The following ITPR1 variants were observed in gnomAD, a reference collection of about 807,000 sequenced individuals.
The protein encoded by ITPR1 is inositol 1,4,5-trisphosphate receptor type 1.
ITPR1 carries 96 observed loss-of-function variants against 318.4 expected under a neutral mutation model. The observed-to-expected ratio is 0.30, with a 90% CI of 0.26 to 0.36. The LOEUF is 0.36. Ranked by LOEUF, ITPR1 falls within the 10% of genes least tolerant of loss-of-function variation. The probability of loss-of-function intolerance (pLI) is 1.00; values close to 1 mark genes in which losing one functional copy is unlikely to be tolerated. For missense variants in ITPR1, 2,440 were observed against 3,460.2 expected, an observed-to-expected ratio of 0.71 and a Z score of 7.40; for synonymous variants, 1,312 against 1,289.9, an observed-to-expected ratio of 1.02 and a Z score of -0.37.
intron 60 of ITPR1, among the ~76,000 whole-genome samples, chr3:4,829,835 G>A (rs2050326320): frequency 6.6e-6 from 1 of 150,470 alleles, no homozygotes; most frequent in South Asian, 2.1e-4. Context: ...AAAATCCTCT[G>A]CACACCTCCT....
At chr3:4,567,564 G>A (rs1463663417) in intron 4 of ITPR1, among the ~76,000 whole-genome samples, 1 of 151,928 alleles carries the variant, frequency 6.6e-6, no homozygotes, top group East Asian at 1.9e-4. Flanking sequence ...GCTGAGGTGG[G>A]TCATGGAGGG....
intron 33 of ITPR1, among the ~76,000 whole-genome samples, chr3:4,695,833 G>T (rs1336158891): frequency 6.6e-6 from 1 of 152,116 alleles, no homozygotes; most frequent in East Asian, 1.9e-4. Context: ...CATTTTAGTT[G>T]TTTCCAGCTT....
chr3:4,705,979 A>C (rs2094748580), intron 36 of ITPR1, among the ~76,000 whole-genome samples, 188 bp from the exon 37 acceptor site: 1 of 152,198 alleles, frequency 6.6e-6, no homozygotes, highest in South Asian at 2.1e-4. Context: ...CAGAATTCAC[A>C]CTGGGAAACC....
At chr3:4,681,699 T>G (rs2125229713) in intron 26 of ITPR1, among the ~76,000 whole-genome samples, 1 of 151,030 alleles carries the variant, frequency 6.6e-6, no homozygotes, top group Non-Finnish European at 1.5e-5. Context: ...TTTCTCAAAA[T>G]ACCTACATTA....
At chr3:4,842,059 T>G (rs2051384965) in intron 61 of ITPR1, among the ~76,000 whole-genome samples, 2 of 152,222 alleles carry the variant, frequency 1.3e-5, no homozygotes, top group Admixed American at 1.3e-4. Flanking sequence ...AAACCAGAAA[T>G]GTGGCATTTG....
intron 42 of ITPR1, among the ~76,000 whole-genome samples, chr3:4,727,378 A>T (rs2042593108): frequency 6.7e-6 from 1 of 148,812 alleles, no homozygotes; most frequent in Admixed American, 6.8e-5. Context: ...CACTGTAACC[A>T]GCTGGCCTCC....
At chr3:4,640,391 C>T (rs1263482529) in intron 6 of ITPR1, among the ~76,000 whole-genome samples, 6 of 152,086 alleles carry the variant, frequency 3.9e-5, no homozygotes, top group African/African-American at 1.4e-4. Flanking sequence ...CTTCCAAAAT[C>T]TGCTTGAAGA....
chr3:4,710,459 C>T lies in ITPR1; in HGVS notation c.4977C>T (p.Gly1659=), dbSNP rs1193157886. 21 of 1,552,788 alleles carry T rather than the reference C, an allele frequency of 1.4e-5. No individual in the cohort carries two copies. The highest frequency in any genetic ancestry group is 2.4e-5 in the East Asian group (1 of 41,108). Residue 1659 remains glycine, a synonymous_variant, in exon 38 of 62, where the codon GGC becomes GGT. Coordinates refer to ENST00000649015, the MANE Select transcript of ITPR1 (RefSeq NM_001378452.1). This position sits in a 1 kb window ranked among gnomAD's most constrained non-coding sequence, Gnocchi z 4.2. ...ACGCCAGAAGGAAATGTGAAAGTGG[C>T]GGTTTCATTTGCAAGTAAGCGGCCT... The part of the protein sequence containing the change: ...NTDARRKCES[G]GFICKLIKHT...
intron 34 of ITPR1, among the ~76,000 whole-genome samples, chr3:4,698,515 A>G (rs1043366330): frequency 8.5e-5 from 13 of 152,134 alleles, no homozygotes; most frequent in African/African-American, 3.1e-4. Flanking sequence ...GATCGTAAAT[A>G]TGTTCAGCTT....
At chr3:4,716,870 A>T (rs1317542140) in intron 39 of ITPR1, among the ~76,000 whole-genome samples, 3 of 152,108 alleles carry the variant, frequency 2.0e-5, no homozygotes, top group Non-Finnish European at 2.9e-5. Context: ...CAGGCTGGGG[A>T]TATGCTGGTC....
At chr3:4,742,502 A>G (rs1461399395) in intron 44 of ITPR1, among the ~76,000 whole-genome samples, 1 of 152,180 alleles carries the variant, frequency 6.6e-6, no homozygotes, top group African/African-American at 2.4e-5. Flanking sequence ...GGAGAATAGG[A>G]TGGTGACGGT....
At chr3:4,698,056 G>A (rs1031434641) in intron 34 of ITPR1, among the ~76,000 whole-genome samples, 1 of 151,744 alleles carries the variant, frequency 6.6e-6, no homozygotes, top group East Asian at 2.0e-4. Context: ...ACTTCATTTG[G>A]TTTTGCATTG....
rs201934670 is a variant in ITPR1 at position 4,846,196 on chromosome 3, A to G, written c.8248A>G (p.Met2750Val). 49 of 1,567,036 alleles carry G rather than the reference A, an allele frequency of 3.1e-5. No homozygotes were observed. Among genetic ancestry groups the G allele is most frequent in the Non-Finnish European group, 3.6e-5 (41 of 1,154,626 alleles). ...RIGLLGHPPH[M>V]NVNPQQPA ...TGGTCTTCTAGGACATCCTCCTCAC[A>G]TGAATGTCAACCCACAACAACCAGC... The change falls in exon 62 of 62, where the codon ATG becomes GTG. Residue 2750 changes from methionine to valine, a missense_variant. This residue lies in a region of ITPR1 where 63 missense variants were observed against 63.4 expected (regional missense o/e 0.99). Coordinates refer to ENST00000649015, the MANE Select transcript of ITPR1 (RefSeq NM_001378452.1).
At chr3:4,814,862 T>C (rs2049186651) in intron 58 of ITPR1, 191 bp from the exon 59 acceptor site, 1 of 613,922 alleles carries the variant, frequency 1.6e-6, no homozygotes, top group Non-Finnish European at 2.9e-6. Flanking sequence ...CCTGGCTGTG[T>C]CACACCACAC....
intron 44 of ITPR1, among the ~76,000 whole-genome samples, chr3:4,748,036 C>A (rs1053271361): frequency 6.6e-6 from 1 of 152,192 alleles, no homozygotes; most frequent in Non-Finnish European, 1.5e-5. Context: ...AAGGTCTTCT[C>A]ATTTTATAAA....
At position 4,782,761 on chromosome 3, in the gene ITPR1, T is replaced by G. The variant is rs970571081; in HGVS notation, c.6510+20T>G. On this transcript the variant is annotated intron_variant, in intron 50 of 61. Coordinates refer to ENST00000649015, the MANE Select transcript of ITPR1 (RefSeq NM_001378452.1). ...CATCAGGTATGATCTCTCCTGTGCC[T>G]CCTCTGGATGCTGCCTCCCTACAGG... The G allele has an allele frequency of 1.4e-6, 2 of 1,445,422 alleles. No individual in the cohort carries two copies. The highest frequency in any genetic ancestry group is 2.0e-4 in the Middle Eastern group (1 of 5,070). 89.5% of individuals were successfully genotyped at this position (1,445,422 alleles called of 1,614,324 possible).
intron 55 of ITPR1, among the ~76,000 whole-genome samples, chr3:4,810,575 G>C (rs1394417626): frequency 3.3e-5 from 5 of 152,198 alleles, no homozygotes; most frequent in Admixed American, 2.6e-4. Context: ...CCCTGCCCCA[G>C]TCTCTTGATC....
At chr3:4,543,815 TA>T (rs1455352255) in intron 4 of ITPR1, among the ~76,000 whole-genome samples, 2 of 152,234 alleles carry the variant, frequency 1.3e-5, no homozygotes, top group Non-Finnish European at 2.9e-5. Context: ...GCTTAAAACA[TA>T]AGGGCATTTG....
chr3:4,567,351 T>C (rs2087412068), intron 4 of ITPR1, among the ~76,000 whole-genome samples: 1 of 152,174 alleles, frequency 6.6e-6, no homozygotes, highest in Non-Finnish European at 1.5e-5. Context: ...GTTGAATTTG[T>C]GTAATGTTCC....
Sources: allele counts gnomAD v4.1 joint callset (sites outside exome capture counted in the v4.1 genomes callset), GRCh38; gene constraint gnomAD v4.1.1; regional missense constraint gnomAD v4.1.1; non-coding constraint Gnocchi (gnomAD v3.1); transcripts MANE v1.5; gene names NCBI Gene and HGNC (gene_info 2026-07-23, HGNC 2026-07-21).